Variants in SFI1 observed in about 807,000 individuals in gnomAD.
The protein encoded by SFI1 is SFI1 centrin binding protein, also known as protein SFI1 homolog.
A neutral mutation model predicts 207.5 loss-of-function variants in SFI1; 195 were observed. The ratio of observed to expected loss-of-function variants is 0.94; its 90% CI spans 0.84 to 1.06. SFI1 has a LOEUF of 1.06. SFI1 is among the 50% of genes least tolerant of loss of function. The pLI, the probability that SFI1 is intolerant of heterozygous loss-of-function variation, is 0.00. For missense variants in SFI1, 1,634 were observed against 1,588.0 expected (o/e 1.03, Z -0.49); for synonymous variants, 630 against 598.9 (o/e 1.05, Z -0.76).
chr22:31,595,544 C>A (rs927473511), intron 15 of SFI1, among the ~76,000 whole-genome samples: 9 of 152,158 alleles, frequency 5.9e-5, no homozygotes, highest in African/African-American at 2.2e-4. Flanking sequence ...TCTTCTTGAT[C>A]AAGAGGAAGA....
rs1166280949 is a variant in SFI1, at chr22:31,549,240, T to C, written c.450-1014T>C. On this transcript the variant is annotated intron_variant, in intron 5 of 32. Transcript: ENST00000400288. ...GAGGGCTCAAGGCTACAGTGAGCCA[T>C]GTTCACATTACTGTACTCCAGCCTA... 2.9e-5 allele frequency among the ~76,000 whole-genome samples: 4 copies of C among 135,850 alleles called. No homozygotes were observed. In the East Asian group the frequency reaches 8.5e-4, roughly 29 times the overall value. The allele number at this position is 135,850 out of a possible 152,430, so 89.1% of individuals were successfully genotyped here. A position where few individuals can be genotyped will look rare whatever the true frequency, so the allele number is the denominator to read the frequency against.
chr22:31,501,255 T>G (rs1391601695), intron 1 of SFI1, among the ~76,000 whole-genome samples: 1 of 151,756 alleles, frequency 6.6e-6, no homozygotes, highest in East Asian at 1.9e-4. Context: ...CACTGCAAGT[T>G]CTGCCTCCTG....
chr22:31,585,524 G>T (rs1266006714), intron 14 of SFI1, among the ~76,000 whole-genome samples: 1 of 152,194 alleles, frequency 6.6e-6, no homozygotes, highest in East Asian at 1.9e-4. Flanking sequence ...ATGTCTCCCG[G>T]GGGTGGAGGA....
At chr22:31,568,606 A>G (rs1364081539) in intron 8 of SFI1, among the ~76,000 whole-genome samples, 1 of 150,908 alleles carries the variant, frequency 6.6e-6, no homozygotes, top group African/African-American at 2.4e-5. Flanking sequence ...CCAGTGCCCA[A>G]GTTGTGGTCT....
chr22:31,583,204 C>G (rs886276199), intron 12 of SFI1, among the ~76,000 whole-genome samples: 1 of 152,200 alleles, frequency 6.6e-6, no homozygotes. Context: ...ACCTCCACCT[C>G]CCGGGTTTAA....
chr22:31,514,507 CAA>C (rs776120363), intron 2 of SFI1, among the ~76,000 whole-genome samples: 18 of 48,978 alleles, frequency 3.7e-4, no homozygotes, highest in African/African-American at 9.1e-4. Flanking sequence ...GACTCTGTCT[CAA>C]AAAAAAAAAA....
At chr22:31,534,458 T>C (rs1162592003) in intron 4 of SFI1, among the ~76,000 whole-genome samples, 1 of 152,216 alleles carries the variant, frequency 6.6e-6, no homozygotes. Flanking sequence ...CAGGTTTCTA[T>C]CTGTGATAAT....
At chr22:31,602,109 G>A (rs1173063191) in intron 15 of SFI1, 103 bp from the exon 16 acceptor site, 1 of 966,288 alleles carries the variant, frequency 1.0e-6, no homozygotes, top group Non-Finnish European at 1.7e-6. Context: ...TTATACGATA[G>A]CATGGTATAA....
rs201332854 is a variant in SFI1 at position 31,573,063 on chromosome 22, G to A, written c.771G>A (p.Trp257Ter). ...GCCTCTTCTCTGGTTTTCAGGCTTG[G>A]TCACAGTGGCGGGAACAGCTCCTGT... is the stretch of plus-strand genomic sequence containing the variant. ...HRALSLQVQA[W>*]SQWREQLLYV... Residue 257 changes from tryptophan to a stop codon, truncating the protein, a stop_gained, in exon 9 of 33, where the codon TGG becomes TGA. Coordinates refer to ENST00000400288, the MANE Select transcript of SFI1 (RefSeq NM_001007467.3). LOFTEE classifies it high-confidence loss of function. 1.9e-6 allele frequency: 3 copies of A among 1,612,812 alleles called. No homozygotes were observed. Among genetic ancestry groups the A allele is most frequent in the African/African-American group, 1.3e-5 (1 of 74,888 alleles).
At chr22:31,605,092 T>G in intron 20 of SFI1, 147 bp downstream of exon 20, 1 of 662,512 alleles carries the variant, frequency 1.5e-6, no homozygotes, top group South Asian at 2.2e-5. Flanking sequence ...GCTTTTCCAC[T>G]TCACTCACGG....
At chr22:31,560,979 A>C (rs929649667) in intron 7 of SFI1, among the ~76,000 whole-genome samples, 17 of 152,154 alleles carry the variant, frequency 1.1e-4, no homozygotes, top group African/African-American at 4.1e-4. Flanking sequence ...CTGTGATTAC[A>C]GGTGTAAGCC....
intron 10 of SFI1, among the ~76,000 whole-genome samples, chr22:31,576,563 C>T (rs529862939): frequency 1.6e-3 from 250 of 152,036 alleles, no homozygotes; most frequent in African/African-American, 5.5e-3. Context: ...CAAAGTGATC[C>T]ACTTGCCTCG....
chr22:31,522,957 T>C (rs1382252996), intron 2 of SFI1, among the ~76,000 whole-genome samples: 2 of 152,154 alleles, frequency 1.3e-5, no homozygotes, highest in African/African-American at 4.8e-5. Flanking sequence ...CCCGGCCTTA[T>C]TCCTTTTTAT....
intron 27 of SFI1, 82 bp downstream of exon 27, chr22:31,613,937 GAC>G: frequency 1.4e-6 from 2 of 1,452,394 alleles, no homozygotes; most frequent in Non-Finnish European, 1.8e-6. Context: ...AAACAGCCCT[GAC>G]GGGATGGGAC....
At chr22:31,505,022 C>G (rs183653701) in intron 1 of SFI1, among the ~76,000 whole-genome samples, 1 of 151,890 alleles carries the variant, frequency 6.6e-6, no homozygotes, top group African/African-American at 2.4e-5. Context: ...ACAATTCAAC[C>G]CACAACACTG....
intron 10 of SFI1, among the ~76,000 whole-genome samples, chr22:31,576,621 C>G (rs1406446466): frequency 6.6e-6 from 1 of 151,428 alleles, no homozygotes; most frequent in Non-Finnish European, 1.5e-5. Flanking sequence ...GCGTCCAGCT[C>G]TATGTATAAA....
At chr22:31,500,737 G>A (rs150289153) in intron 1 of SFI1, among the ~76,000 whole-genome samples, 1,608 of 152,064 alleles carry the variant, frequency 0.011, 9 homozygotes, top group Middle Eastern at 0.031. Flanking sequence ...GATTACAGGC[G>A]TGAGCCATTG....
chr22:31,540,638 T>C (rs376037367), intron 4 of SFI1, among the ~76,000 whole-genome samples: 3 of 150,360 alleles, frequency 2.0e-5, no homozygotes, highest in East Asian at 2.0e-4. Context: ...TGGAGTGCAA[T>C]GGCATGATCT....
At position 31,613,503 on chromosome 22, in the gene SFI1, GC is replaced by G; in HGVS notation, c.2716del (p.Gln906SerfsTer48). The G allele has an allele frequency of 6.3e-7, 1 of 1,592,360 alleles. No homozygotes were observed. The highest frequency in any genetic ancestry group is 2.2e-5 in the East Asian group (1 of 44,510). ...FAASMKASRQ[Q>X]LQAQQQVQAA... ...CAGCCAGCATGAAGGCCTCCCGGCA[GC>G]AGCTGCAGGCCCAGCAGCAGGTCCA... On this transcript the variant is annotated frameshift_variant, in exon 26 of 33. Transcript: ENST00000400288. LOFTEE classifies it high-confidence loss of function.
Sources: gnomAD v4.1 joint callset for allele counts (sites outside exome capture counted in the v4.1 genomes callset) on GRCh38, gnomAD v4.1.1 for gene constraint, MANE v1.5 for transcripts, NCBI Gene and HGNC (gene_info 2026-07-23, HGNC 2026-07-21) for gene names.